The following MAST4 variants were observed in gnomAD, a reference collection of about 807,000 sequenced individuals.
The protein encoded by MAST4 is microtubule-associated serine/threonine-protein kinase 4.
A neutral mutation model predicts 162.7 loss-of-function variants in MAST4; 89 were observed. The observed-to-expected ratio is 0.55, with a 90% CI of 0.46 to 0.65. The LOEUF is 0.65. MAST4 is among the 30% of genes least tolerant of loss of function. The pLI, the probability that MAST4 is intolerant of heterozygous loss-of-function variation, is 0.00. For synonymous variants in MAST4, 1,479 were observed against 1,361.1 expected (o/e 1.09, Z -1.91); for missense variants, 3,153 against 3,374.0 (o/e 0.93, Z 1.62).
chr5:66,705,206 C>T (rs1750052441), intron 1 of MAST4, among the ~76,000 whole-genome samples: 1 of 152,210 alleles, frequency 6.6e-6, no homozygotes, highest in South Asian at 2.1e-4. Flanking sequence ...CACAAATTCA[C>T]TTGAGATTAT....
chr5:66,801,121 G>A (rs1374572429), intron 3 of MAST4, among the ~76,000 whole-genome samples: 1 of 152,084 alleles, frequency 6.6e-6, no homozygotes, highest in South Asian at 2.1e-4. Flanking sequence ...ACATTTTTTA[G>A]TAAGCATCCC....
At chr5:66,607,926 T>C (rs1742997285) in intron 1 of MAST4, among the ~76,000 whole-genome samples, 1 of 152,182 alleles carries the variant, frequency 6.6e-6, no homozygotes, top group South Asian at 2.1e-4. Flanking sequence ...CTGTCCCACC[T>C]AGCTTTATTA....
At chr5:66,659,682 A>G (rs74467365) in intron 1 of MAST4, among the ~76,000 whole-genome samples, 2,406 of 152,284 alleles carry the variant, frequency 0.016, 66 homozygotes, top group African/African-American at 0.054. Context: ...ATATTTTTCC[A>G]TGTCTTTCAT....
At chr5:66,716,471 G>A (rs1167156747) in intron 1 of MAST4, among the ~76,000 whole-genome samples, 17 of 151,762 alleles carry the variant, frequency 1.1e-4, no homozygotes, top group African/African-American at 3.6e-4. Context: ...TCAGCCTCCC[G>A]AGTAGCTGGG....
chr5:66,806,494 G>A (rs1044702574), intron 3 of MAST4, among the ~76,000 whole-genome samples: 1 of 152,186 alleles, frequency 6.6e-6, no homozygotes, highest in South Asian at 2.1e-4. Context: ...AAGAGGGAAA[G>A]ACTGGGAATC....
intron 1 of MAST4, among the ~76,000 whole-genome samples, chr5:66,674,718 A>G (rs1025445108): frequency 6.6e-6 from 1 of 152,206 alleles, no homozygotes; most frequent in African/African-American, 2.4e-5. Context: ...AAGTGGAGAT[A>G]GTCACTTCTC....
intron 4 of MAST4, among the ~76,000 whole-genome samples, chr5:66,983,666 A>T (rs57065969): frequency 0.02 from 3,029 of 152,084 alleles, 162 homozygotes; most frequent in East Asian, 0.2. Flanking sequence ...GGGGAGGGGA[A>T]TGGGGAGGGA....
intron 4 of MAST4, among the ~76,000 whole-genome samples, chr5:67,004,250 C>A (rs984558781): frequency 3.3e-5 from 5 of 151,902 alleles, no homozygotes; most frequent in African/African-American, 1.2e-4. Flanking sequence ...TCCTCAGGCG[C>A]GGCCGGGGCT....
intron 5 of MAST4, among the ~76,000 whole-genome samples, chr5:67,065,983 C>T (rs1313195871): frequency 6.6e-6 from 1 of 151,978 alleles, no homozygotes; most frequent in Non-Finnish European, 1.5e-5. Context: ...GAGGAGGAGC[C>T]CATCAACACT....
intron 8 of MAST4, among the ~76,000 whole-genome samples, chr5:67,102,231 C>A (rs1486898098): frequency 6.6e-6 from 1 of 152,132 alleles, no homozygotes; most frequent in East Asian, 1.9e-4. Flanking sequence ...CAAGCTCATA[C>A]TACATGCAGA....
At chr5:66,864,012 A>T (rs764883815) in intron 3 of MAST4, among the ~76,000 whole-genome samples, 1 of 152,234 alleles carries the variant, frequency 6.6e-6, no homozygotes, top group Non-Finnish European at 1.5e-5. Flanking sequence ...GGTTGAGCTG[A>T]TGATGGGTAA....
chr5:66,699,535 A>G (rs569649178), intron 1 of MAST4, among the ~76,000 whole-genome samples: 1 of 152,272 alleles, frequency 6.6e-6, no homozygotes, highest in South Asian at 2.1e-4. Flanking sequence ...GATAGACTGG[A>G]TGAAGAAAAT....
chr5:66,643,357 G>C (rs1436444570), intron 1 of MAST4, among the ~76,000 whole-genome samples: 1 of 152,146 alleles, frequency 6.6e-6, no homozygotes, highest in Admixed American at 6.5e-5. Context: ...GTGTCCCTGT[G>C]ATATGAAAGA....
intron 3 of MAST4, among the ~76,000 whole-genome samples, chr5:66,883,098 A>G (rs980884969): frequency 2.0e-5 from 3 of 152,270 alleles, no homozygotes; most frequent in Admixed American, 1.3e-4. Flanking sequence ...TGTAAATTCC[A>G]GAAATGGGCA....
intron 4 of MAST4, among the ~76,000 whole-genome samples, chr5:66,965,538 C>G (rs1160334215): frequency 8.3e-6 from 1 of 120,646 alleles, no homozygotes; most frequent in Non-Finnish European, 1.6e-5. Context: ...TGCGTTTGAG[C>G]TGGACCTTGA....
intron 2 of MAST4, among the ~76,000 whole-genome samples, chr5:66,771,420 T>A (rs985652886): frequency 6.6e-6 from 1 of 152,150 alleles, no homozygotes; most frequent in African/African-American, 2.4e-5. Flanking sequence ...TCTCCTGACC[T>A]CGTGATCCTC....
intron 4 of MAST4, among the ~76,000 whole-genome samples, chr5:66,982,631 C>G (rs1290181708): frequency 6.6e-6 from 1 of 152,104 alleles, no homozygotes; most frequent in East Asian, 1.9e-4. Flanking sequence ...CAGCTTAAGC[C>G]CATACCCTGG....
At chr5:66,598,527 G>A (rs146534028) in intron 1 of MAST4, among the ~76,000 whole-genome samples, 223 of 152,246 alleles carry the variant, frequency 1.5e-3, no homozygotes, top group Middle Eastern at 0.014. Context: ...ACATCCTAGC[G>A]GAGATGATCA....
chr5:66,889,914 A>G (rs946308818), intron 3 of MAST4, among the ~76,000 whole-genome samples: 1 of 152,250 alleles, frequency 6.6e-6, no homozygotes, highest in Non-Finnish European at 1.5e-5. Context: ...GGATTAGAAT[A>G]TGGGTATGTC....
Sources: allele counts gnomAD v4.1 joint callset (sites outside exome capture counted in the v4.1 genomes callset), GRCh38; gene constraint gnomAD v4.1.1; transcripts MANE v1.5; gene names NCBI Gene and HGNC (gene_info 2026-07-23, HGNC 2026-07-21).